Variants in ADCY2 observed in about 807,000 individuals in gnomAD.
The protein encoded by ADCY2 is adenylate cyclase type 2.
In ADCY2, 31 loss-of-function variants were observed where a neutral mutation model predicts 125.2. That is an observed-to-expected ratio of 0.25 (90% CI 0.19 to 0.33). The LOEUF is 0.33. Among genes scored for constraint, ADCY2 ranks in the 10% least tolerant of loss-of-function variants. The probability of loss-of-function intolerance (pLI) is 1.00; values close to 1 mark genes in which losing one functional copy is unlikely to be tolerated. For missense variants in ADCY2, 904 were observed against 1,418.2 expected (o/e 0.64, Z 5.82); for synonymous variants, 512 against 548.4 (o/e 0.93, Z 0.93).
chr5:7,660,339 G>A (rs1027628691), intron 4 of ADCY2, among the ~76,000 whole-genome samples: 1 of 152,022 alleles, frequency 6.6e-6, no homozygotes, highest in Non-Finnish European at 1.5e-5. Context: ...GCTATATTGA[G>A]CTGCTCAGAT....
intron 2 of ADCY2, among the ~76,000 whole-genome samples, chr5:7,500,859 T>C (rs1743535364): frequency 6.6e-6 from 1 of 152,168 alleles, no homozygotes; most frequent in Non-Finnish European, 1.5e-5. Flanking sequence ...TTAAATATTT[T>C]TCCCCTTAAA....
At chr5:7,651,642 C>A (rs1468883048) in intron 4 of ADCY2, among the ~76,000 whole-genome samples, 1 of 152,050 alleles carries the variant, frequency 6.6e-6, no homozygotes, top group Non-Finnish European at 1.5e-5. Context: ...CTTTCCCAGC[C>A]CACTGACTCA....
chr5:7,826,575 A>G (rs919972608), intron 24 of ADCY2, 144 bp from the exon 25 acceptor site: 2 of 1,031,680 alleles, frequency 1.9e-6, no homozygotes, highest in African/African-American at 1.6e-5. Flanking sequence ...CTTGTGGATT[A>G]CTCTCACTTT....
intron 4 of ADCY2, among the ~76,000 whole-genome samples, chr5:7,681,859 C>T (rs999275129): frequency 9.8e-5 from 15 of 152,344 alleles, no homozygotes; most frequent in Admixed American, 8.5e-4. Context: ...CACTATGGAA[C>T]GATTGCTCTC....
intron 2 of ADCY2, among the ~76,000 whole-genome samples, chr5:7,445,521 A>G (rs1741211935): frequency 1.3e-5 from 2 of 152,234 alleles, no homozygotes; most frequent in African/African-American, 2.4e-5. Flanking sequence ...AAAAAATTAA[A>G]ACATGTAGAT....
At chr5:7,666,627 A>G (rs1012611899) in intron 4 of ADCY2, among the ~76,000 whole-genome samples, 20 of 152,208 alleles carry the variant, frequency 1.3e-4, no homozygotes, top group African/African-American at 4.8e-4. Flanking sequence ...GTAAAGTCCA[A>G]GATTGCACAG....
At chr5:7,718,267 G>A (rs1290908552) in intron 12 of ADCY2, among the ~76,000 whole-genome samples, 1 of 149,170 alleles carries the variant, frequency 6.7e-6, no homozygotes, top group Admixed American at 6.8e-5. Context: ...TCCTGCCTCA[G>A]CCTCCCAAGT....
chr5:7,396,534 C>T lies in ADCY2; in HGVS notation c.210+28C>T, dbSNP rs2111425500. The T allele has an allele frequency of 3.2e-6, 5 of 1,539,640 alleles. No homozygotes were observed. The South Asian group carries it at 4.7e-5, about 14-fold the overall frequency. Reference sequence around the variant, plus strand: ...GAGTGGCCTCCCCGCGGGTCCAGCGCCGCGCCTTCCCCGGCCCTGAGAGGA... The same window carrying T: ...GAGTGGCCTCCCCGCGGGTCCAGCGTCGCGCCTTCCCCGGCCCTGAGAGGA... On this transcript the variant is annotated intron_variant, in intron 1 of 24. Transcript: ENST00000338316. This position sits in a 1 kb window ranked among gnomAD's most constrained non-coding sequence, Gnocchi z 5.7.
intron 3 of ADCY2, among the ~76,000 whole-genome samples, chr5:7,552,206 T>C (rs1446330200): frequency 6.6e-6 from 1 of 152,206 alleles, no homozygotes; most frequent in African/African-American, 2.4e-5. Context: ...GCTGAAGTAC[T>C]GGGATAAACC....
intron 2 of ADCY2, among the ~76,000 whole-genome samples, chr5:7,473,436 C>T (rs780605745): frequency 6.6e-6 from 1 of 151,998 alleles, no homozygotes; most frequent in African/African-American, 2.4e-5. Context: ...CAAGAATTCA[C>T]TCATTATCTC....
chr5:7,551,098 ATCT>A (rs1459257988), intron 3 of ADCY2, among the ~76,000 whole-genome samples: 1 of 148,064 alleles, frequency 6.8e-6, no homozygotes, highest in African/African-American at 2.5e-5. Flanking sequence ...AAAATTGAAA[ATCT>A]TCTGCAAAAG....
At position 7,440,652 on chromosome 5, in the gene ADCY2, C is replaced by T. The variant is rs573092601; in HGVS notation, c.408+25882C>T. 3.7e-4 allele frequency among the ~76,000 whole-genome samples: 57 copies of T among 152,178 alleles called. 1 individual carries two copies. Among genetic ancestry groups the T allele is most frequent in the Non-Finnish European group, 6.8e-4 (46 of 68,024 alleles). ...ATAGGAGGAAACACAGTGACAGATC[C>T]GCTAATGAGGATTAAAGATGCCAGT... On this transcript the variant is annotated intron_variant, in intron 2 of 24. Coordinates refer to ENST00000338316, the MANE Select transcript of ADCY2 (RefSeq NM_020546.3).
chr5:7,718,477 C>T (rs1274009246), intron 12 of ADCY2, among the ~76,000 whole-genome samples: 10 of 152,020 alleles, frequency 6.6e-5, no homozygotes, highest in Admixed American at 3.9e-4. Context: ...TATTTATTAT[C>T]GAATATTTAC....
chr5:7,683,795 T>TA (rs879724104), intron 4 of ADCY2, among the ~76,000 whole-genome samples: 3 of 152,136 alleles, frequency 2.0e-5, no homozygotes, highest in Non-Finnish European at 4.4e-5. Context: ...CATTTGAACA[T>TA]AAAAAAATAT....
At chr5:7,541,463 G>T (rs368878893) in intron 3 of ADCY2, among the ~76,000 whole-genome samples, 3 of 152,214 alleles carry the variant, frequency 2.0e-5, no homozygotes. Context: ...GAGGGTGTCT[G>T]TCTTTGAGCA....
chr5:7,766,879 T>G, intron 17 of ADCY2, 73 bp downstream of exon 17: 1 of 1,522,120 alleles, frequency 6.6e-7, no homozygotes, highest in Non-Finnish European at 8.8e-7. Flanking sequence ...ATATATCCTT[T>G]AGTCTCAGAT....
At chr5:7,617,521 A>G (rs1033021767) in intron 3 of ADCY2, among the ~76,000 whole-genome samples, 1 of 152,156 alleles carries the variant, frequency 6.6e-6, no homozygotes, top group Non-Finnish European at 1.5e-5. Context: ...TAATGCACAT[A>G]TTTAGCAAAG....
intron 1 of ADCY2, among the ~76,000 whole-genome samples, chr5:7,405,095 G>T (rs895329960): frequency 6.6e-6 from 1 of 152,162 alleles, no homozygotes; most frequent in Non-Finnish European, 1.5e-5. Flanking sequence ...CTCTCAGGTG[G>T]GTGGTCAGTC....
intron 2 of ADCY2, among the ~76,000 whole-genome samples, chr5:7,423,954 G>A (rs1740300098): frequency 6.6e-6 from 1 of 152,198 alleles, no homozygotes; most frequent in South Asian, 2.1e-4. Context: ...CAGCCAATGT[G>A]TGTTAAGGAG....
Sources: gnomAD v4.1 joint callset for allele counts (sites outside exome capture counted in the v4.1 genomes callset) on GRCh38, gnomAD v4.1.1 for gene constraint, Gnocchi (gnomAD v3.1) non-coding constraint, MANE v1.5 for transcripts, NCBI Gene and HGNC (gene_info 2026-07-23, HGNC 2026-07-21) for gene names.